CWC22: variants seen among roughly 807,000 people sequenced by gnomAD.
The protein encoded by CWC22 is CWC22 spliceosome associated protein.
CWC22 carries 53 observed loss-of-function variants against 117.2 expected under a neutral mutation model. The ratio of observed to expected loss-of-function variants is 0.45; its 90% confidence interval spans 0.36 to 0.57. The LOEUF is 0.57. Among genes scored for constraint, CWC22 ranks in the 20% least tolerant of loss-of-function variants. The pLI is 0.00. For synonymous variants in CWC22, 360 were observed against 355.6 expected (o/e 1.01, Z -0.14); for missense variants, 980 against 1,068.8 (o/e 0.92, Z 1.16).
chr2:179,982,994 G>A (rs1687323393), intron 4 of CWC22, among the ~76,000 whole-genome samples: 1 of 152,150 alleles, frequency 6.6e-6, no homozygotes, highest in Non-Finnish European at 1.5e-5. Context: ...TAAATCTAAG[G>A]AGTATGTTTG....
At chr2:179,984,946 C>G (rs1423844421) in intron 4 of CWC22, among the ~76,000 whole-genome samples, 1 of 151,958 alleles carries the variant, frequency 6.6e-6, no homozygotes, top group East Asian at 1.9e-4. Context: ...GCTCAAGAAA[C>G]TAATATTTTA....
chr2:179,971,407 A>G (rs905813458), intron 8 of CWC22, among the ~76,000 whole-genome samples: 4 of 152,158 alleles, frequency 2.6e-5, no homozygotes, highest in African/African-American at 4.8e-5. Context: ...AAAATCATAT[A>G]CTACTTTCTA....
intron 2 of CWC22, among the ~76,000 whole-genome samples, chr2:179,992,051 G>A (rs554035091): frequency 6.2e-4 from 94 of 152,328 alleles, no homozygotes; most frequent in Middle Eastern, 3.4e-3. Flanking sequence ...TACAGGGCCT[G>A]CTGTCAAGGA....
rs896438202 is a variant in CWC22, at chr2:179,981,652, A to G, written c.452+100T>C. 7 of 954,256 alleles carry G rather than the reference A, an allele frequency of 7.3e-6. No homozygotes were observed. In the African/African-American group the frequency reaches 1.1e-4, roughly 16 times the overall value. The allele number at this position is 954,256 out of a possible 1,614,324, so 59.1% of individuals were successfully genotyped here. Reference sequence around the variant, plus strand: ...TAATTTGAGGTCTCTATCACTATAGACTAACGTAAATTCTCAAGAACCAGG... The same window carrying G: ...TAATTTGAGGTCTCTATCACTATAGGCTAACGTAAATTCTCAAGAACCAGG... On this transcript the variant is annotated intron_variant, in intron 5 of 19. Coordinates refer to ENST00000410053, the MANE Select transcript of CWC22 (RefSeq NM_020943.3).
intron 6 of CWC22, among the ~76,000 whole-genome samples, chr2:179,977,939 A>T (rs564164935): frequency 2.6e-5 from 4 of 152,186 alleles, no homozygotes; most frequent in African/African-American, 7.2e-5. Context: ...GGCATTAAGT[A>T]AATGTCTGCA....
chr2:179,965,268 G>A (rs1164773437), intron 12 of CWC22, among the ~76,000 whole-genome samples: 1 of 152,170 alleles, frequency 6.6e-6, no homozygotes, highest in Non-Finnish European at 1.5e-5. Flanking sequence ...AAAGGCAAAT[G>A]TATACTTTTA....
intron 1 of CWC22, among the ~76,000 whole-genome samples, chr2:179,994,605 A>T (rs925950593): frequency 6.6e-6 from 1 of 152,194 alleles, no homozygotes; most frequent in African/African-American, 2.4e-5. Context: ...AAATGTTTCT[A>T]TTACAATGAT....
intron 11 of CWC22, among the ~76,000 whole-genome samples, chr2:179,967,720 C>CAT (rs974685961): frequency 5.0e-5 from 7 of 141,402 alleles, no homozygotes; most frequent in African/African-American, 1.8e-4. Context: ...ATATAAAGTT[C>CAT]ATATATATAG....
chr2:179,987,682 C>G (rs1687454754), intron 3 of CWC22, among the ~76,000 whole-genome samples: 1 of 151,690 alleles, frequency 6.6e-6, no homozygotes, highest in Admixed American at 6.6e-5. Context: ...TTGAAGGGTG[C>G]TTCTTCCTTC....
rs554081497 is a variant in CWC22 at position 179,967,996 on chromosome 2, C to A, written c.1211-2014G>T. ...AGAATTTTGAAAAACCTATATCCAT[C>A]TCTGTGAGCTTGTGAGTTCCCCGAC... On this transcript the variant is annotated intron_variant, in intron 11 of 19. Coordinates refer to ENST00000410053, the MANE Select transcript of CWC22 (RefSeq NM_020943.3). 3.3e-5 allele frequency among the ~76,000 whole-genome samples: 5 copies of A among 152,304 alleles called. No homozygotes were observed. The East Asian group carries it at 9.6e-4, about 29-fold the overall frequency.
chr2:179,977,827 C>G (rs1425094352), intron 6 of CWC22, among the ~76,000 whole-genome samples: 1 of 152,072 alleles, frequency 6.6e-6, no homozygotes, highest in Admixed American at 6.6e-5. Context: ...CACAAATATA[C>G]ACAATTTTTA....
At position 179,974,031 on chromosome 2, in the gene CWC22, C is replaced by T. The variant is rs189693287; in HGVS notation, c.582-229G>A. On this transcript the variant is annotated intron_variant, in intron 6 of 19. Transcript: ENST00000410053. ...ATGAAGATTTTACTGCAATTTATCA[C>T]CAAAATTTTTCTCTCTACATATAAT... Among the ~76,000 whole-genome samples, 586 of 152,184 alleles carry T rather than the reference C, an allele frequency of 3.9e-3. 3 individuals are homozygous for T. The highest frequency in any genetic ancestry group is 0.014 in the African/African-American group (567 of 41,524).
chr2:180,003,536 C>A (rs1246517543), intron 1 of CWC22, among the ~76,000 whole-genome samples: 1 of 152,176 alleles, frequency 6.6e-6, no homozygotes, highest in African/African-American at 2.4e-5. Context: ...AAACCACATT[C>A]TGGTTTAAAG....
chr2:179,961,363 C>G (rs1291976653), intron 13 of CWC22, among the ~76,000 whole-genome samples: 1 of 151,788 alleles, frequency 6.6e-6, no homozygotes, highest in Non-Finnish European at 1.5e-5. Context: ...CATCTATATT[C>G]CTCAGCTTCT....
chr2:179,995,892 C>A (rs907099912), intron 1 of CWC22, among the ~76,000 whole-genome samples: 12 of 152,170 alleles, frequency 7.9e-5, no homozygotes, highest in Non-Finnish European at 7.4e-5. Flanking sequence ...TCTGAGGCAA[C>A]CACAACTGCT....
chr2:179,970,901 A>G, intron 9 of CWC22, 40 bp downstream of exon 9: 1 of 1,608,060 alleles, frequency 6.2e-7, no homozygotes, highest in Non-Finnish European at 8.5e-7. Context: ...AGCAATAAAT[A>G]TAATAAAAAC....
intron 5 of CWC22, among the ~76,000 whole-genome samples, chr2:179,980,735 C>T (rs573214558): frequency 6.8e-4 from 103 of 152,262 alleles, no homozygotes; most frequent in South Asian, 3.5e-3. Context: ...TTCTCAAGCA[C>T]TTTTCAAATT....
chr2:179,966,224 G>C (rs530147633), intron 11 of CWC22, among the ~76,000 whole-genome samples: 9 of 152,254 alleles, frequency 5.9e-5, no homozygotes, highest in African/African-American at 2.2e-4. Context: ...ATGAAACAAG[G>C]AGATGAAAAA....
chr2:179,956,443 T>A (rs1402635133), intron 14 of CWC22, among the ~76,000 whole-genome samples: 1 of 151,640 alleles, frequency 6.6e-6, no homozygotes, highest in African/African-American at 2.4e-5. Context: ...GTGCAGAATA[T>A]AAATACTTCC....
Sources: gnomAD v4.1 joint callset for allele counts (sites outside exome capture counted in the v4.1 genomes callset) on GRCh38, gnomAD v4.1.1 for gene constraint, MANE v1.5 for transcripts, NCBI Gene and HGNC (gene_info 2026-07-23, HGNC 2026-07-21) for gene names.